Variants in SNAP91 observed in about 807,000 individuals in gnomAD.
SNAP91 encodes synaptosome associated protein 91.
Under a neutral mutation model 100.3 loss-of-function variants are expected in SNAP91, and 27 were observed. The ratio of observed to expected loss-of-function variants is 0.27; its 90% CI spans 0.20 to 0.37. SNAP91 has a LOEUF of 0.37. Ranked by LOEUF, SNAP91 falls within the 10% of genes least tolerant of loss-of-function variation. The pLI, the probability that SNAP91 is intolerant of heterozygous loss-of-function variation, is 1.00. For synonymous variants in SNAP91, 404 were observed against 398.6 expected, an observed-to-expected ratio of 1.01 and a Z score of -0.16; for missense variants, 986 against 1,123.7, an observed-to-expected ratio of 0.88 and a Z score of 1.75.
At chr6:83,623,255 T>C (rs937219900) in intron 9 of SNAP91, 46 bp downstream of exon 9, 2 of 1,482,254 alleles carry the variant, frequency 1.3e-6, no homozygotes, top group Non-Finnish European at 9.4e-7. Context: ...ATATATGTTG[T>C]AATAATCTCA....
chr6:83,633,157 T>C lies in SNAP91; in HGVS notation c.765+7939A>G, dbSNP rs149133308. Among the ~76,000 whole-genome samples, 332 of 152,294 alleles carry C rather than the reference T, an allele frequency of 2.2e-3. 1 individual carries two copies. The highest frequency in any genetic ancestry group is 7.4e-3 in the African/African-American group (309 of 41,570). Reference sequence around the variant, plus strand: ...GCTGTAGTGATTGTTATCTCTCTTCTGGATCTAGCCACCCAGCAAGTCTAT... The same window carrying C: ...GCTGTAGTGATTGTTATCTCTCTTCCGGATCTAGCCACCCAGCAAGTCTAT... On this transcript the variant is annotated intron_variant, in intron 8 of 29. Transcript: ENST00000369694.
At chr6:83,662,539 T>A (rs2098564207) in intron 3 of SNAP91, 117 bp from the exon 4 acceptor site, 1 of 385,716 alleles carries the variant, frequency 2.6e-6, no homozygotes, top group African/African-American at 2.1e-5. Context: ...TTTTACTCAG[T>A]TATAAAGTTT....
At chr6:83,587,462 T>C (rs1278169573) in intron 22 of SNAP91, among the ~76,000 whole-genome samples, 1 of 152,190 alleles carries the variant, frequency 6.6e-6, no homozygotes, top group Non-Finnish European at 1.5e-5. Context: ...ATCATATTTG[T>C]GGGCTTGCTA....
intron 7 of SNAP91, among the ~76,000 whole-genome samples, chr6:83,641,784 T>C (rs2097712633): frequency 6.6e-6 from 1 of 152,212 alleles, no homozygotes. Flanking sequence ...TTTTACTATA[T>C]TCTTCATGAC....
chr6:83,701,627 T>G (rs2099311899), intron 2 of SNAP91, among the ~76,000 whole-genome samples: 1 of 152,106 alleles, frequency 6.6e-6, no homozygotes. Flanking sequence ...TTTTGTATTT[T>G]TAGTAGAGAC....
intron 26 of SNAP91, among the ~76,000 whole-genome samples, chr6:83,573,906 T>C (rs1813281982): frequency 6.6e-6 from 1 of 152,158 alleles, no homozygotes; most frequent in Non-Finnish European, 1.5e-5. Context: ...GGACTTCATG[T>C]CTAAAACACC....
chr6:83,558,686 T>A (rs1222068199), intron 28 of SNAP91, among the ~76,000 whole-genome samples: 1 of 152,238 alleles, frequency 6.6e-6, no homozygotes, highest in Non-Finnish European at 1.5e-5. Flanking sequence ...TAAGACAGTA[T>A]AAATACTGAT....
At chr6:83,702,913 C>T (rs185259168) in intron 2 of SNAP91, among the ~76,000 whole-genome samples, 5 of 152,296 alleles carry the variant, frequency 3.3e-5, no homozygotes, top group Admixed American at 3.3e-4. Context: ...CACTCTGCTT[C>T]CCCTGCTCCT....
Position 83,669,950 on chromosome 6 carries a change from TG to T in SNAP91, c.131-4370del, listed in dbSNP as rs58753282. Among the ~76,000 whole-genome samples the T allele has an allele frequency of 3.1e-3, 467 of 152,150 alleles. 2 individuals carry two copies. The highest frequency in any genetic ancestry group is 0.011 in the African/African-American group (439 of 41,572). The stretch of plus-strand genomic sequence containing the variant: ...TTGGTGATTACAAATAAAGCTGCTA[TG>T]AACATTTACATATATCTATTTATAC... On this transcript the variant is annotated intron_variant, in intron 2 of 29. Transcript: ENST00000369694.
intron 2 of SNAP91, among the ~76,000 whole-genome samples, chr6:83,678,510 C>T (rs967483621): frequency 6.6e-6 from 1 of 152,182 alleles, no homozygotes; most frequent in Non-Finnish European, 1.5e-5. Context: ...ATCAAGCTGC[C>T]TACCCACACA....
At chr6:83,650,689 AT>A (rs1222705857) in intron 7 of SNAP91, among the ~76,000 whole-genome samples, 1 of 152,202 alleles carries the variant, frequency 6.6e-6, no homozygotes, top group Non-Finnish European at 1.5e-5. Flanking sequence ...AAGTGCTGGG[AT>A]TACAGGCATG....
intron 9 of SNAP91, among the ~76,000 whole-genome samples, chr6:83,622,068 TA>T (rs1444396188): frequency 1.3e-5 from 2 of 152,222 alleles, no homozygotes; most frequent in African/African-American, 4.8e-5. Flanking sequence ...TATGCACACT[TA>T]ATTTTTTGGC....
At chr6:83,573,582 T>C (rs888678064) in intron 26 of SNAP91, among the ~76,000 whole-genome samples, 4 of 152,148 alleles carry the variant, frequency 2.6e-5, no homozygotes, top group Non-Finnish European at 4.4e-5. Flanking sequence ...CAAAACAGCA[T>C]GGTACTGGTA....
chr6:83,572,146 G>A (rs1809065184), intron 26 of SNAP91, among the ~76,000 whole-genome samples: 1 of 152,172 alleles, frequency 6.6e-6, no homozygotes, highest in Non-Finnish European at 1.5e-5. Context: ...GGCAACCACT[G>A]TCTTAGTTGC....
At position 83,552,974 on chromosome 6, in the gene SNAP91, G is replaced by A. The variant is rs1773328951; in HGVS notation, c.*1322C>T. On this transcript the variant is annotated 3_prime_UTR_variant, in exon 30 of 30. Transcript: ENST00000369694. ...ACTGAAATACAAAGAAAGCCATTTT[G>A]AAATTGGTTTTAGGTAATTTTTCCC... 6.6e-6 allele frequency: 1 copy of A among 152,534 alleles called. No individual in the cohort carries two copies. Among genetic ancestry groups the A allele is most frequent in the East Asian group, 1.9e-4 (1 of 5,188 alleles). The allele number at this position is 152,534 out of a possible 1,614,324, so 9.4% of individuals were successfully genotyped here.
rs761803793 is a variant in SNAP91, at chr6:83,674,778, C to T, written c.131-9197G>A. On this transcript the variant is annotated intron_variant, in intron 2 of 29. Transcript: ENST00000369694. ...AGAAAGGGGCTATCTTTTTCCCATG[C>T]GGAATGAAGACCTAACAATGTGAAA... 4.6e-5 allele frequency among the ~76,000 whole-genome samples: 7 copies of T among 151,910 alleles called. No homozygotes were observed. The South Asian group carries it at 6.2e-4, about 14-fold the overall frequency.
rs993958945 is a variant in SNAP91 at position 83,594,416 on chromosome 6, G to T, written c.1390C>A (p.Pro464Thr). 2.0e-5 allele frequency: 31 copies of T among 1,553,310 alleles called. No homozygotes were observed. Among genetic ancestry groups the T allele is most frequent in the Non-Finnish European group, 2.7e-5 (31 of 1,147,826 alleles). Residue 464 changes from proline to threonine, a missense_variant, in exon 17 of 30, where the codon CCA (proline) becomes ACA (threonine). Pro to Thr is a conservative substitution (Grantham distance 38). Around this residue, in one of 4 missense-constraint regions of SNAP91, gnomAD observed 575 missense variants for 579.9 expected, o/e 0.99. Transcript: ENST00000369694. ...TCAAGTGCTGCTGCTACAGGGGTTG[G>T]GGTAGCTGGTGCGGCGGCCCCTTCG... The part of the protein sequence containing the change: ...ASEGAAAPAT[P>T]TPVAAALDAC...
chr6:83,594,841 CT>C (rs1208637896), intron 16 of SNAP91, among the ~76,000 whole-genome samples: 1 of 152,126 alleles, frequency 6.6e-6, no homozygotes, highest in Non-Finnish European at 1.5e-5. Context: ...AGACATTAAA[CT>C]TTCATGTCCA....
intron 17 of SNAP91, 57 bp from the exon 18 acceptor site, chr6:83,593,798 C>G: frequency 6.6e-7 from 1 of 1,514,138 alleles, no homozygotes; most frequent in East Asian, 2.3e-5. Context: ...AGACAAGAGA[C>G]AGCATCATAA....
Sources: allele counts gnomAD v4.1 joint callset (sites outside exome capture counted in the v4.1 genomes callset), GRCh38; gene constraint gnomAD v4.1.1; regional missense constraint gnomAD v4.1.1; transcripts MANE v1.5; gene names NCBI Gene and HGNC (gene_info 2026-07-23, HGNC 2026-07-21).